COL5A3: variants seen among roughly 807,000 people sequenced by gnomAD.
COL5A3 encodes collagen alpha-3(V) chain.
A neutral mutation model predicts 250.0 loss-of-function variants in COL5A3; 172 were observed. That is an observed-to-expected ratio of 0.69 (90% CI 0.61 to 0.78). The LOEUF (loss-of-function observed/expected upper bound fraction) is 0.78, where lower values mean the gene tolerates loss of function less well. Among genes scored for constraint, COL5A3 ranks in the 30% least tolerant of loss-of-function variants. The pLI is 0.00. For synonymous variants in COL5A3, 937 were observed against 900.4 expected, an observed-to-expected ratio of 1.04 and a Z score of -0.73; for missense variants, 2,340 against 2,334.4, an observed-to-expected ratio of 1.00 and a Z score of -0.05.
At position 9,982,060 on chromosome 19, in the gene COL5A3, C is replaced by A. The variant is rs758333956; in HGVS notation, c.2460+5G>T. 3 of 1,609,376 alleles carry A rather than the reference C, an allele frequency of 1.9e-6. No individual in the cohort carries two copies. The South Asian group carries it at 3.3e-5, about 18-fold the overall frequency. ...CCCTCTCCCTTACCCCCGGTCATGACTCACCGACTTCCCTTTCTCTCCTAT... is the reference window on the plus strand; with the variant it reads ...CCCTCTCCCTTACCCCCGGTCATGAATCACCGACTTCCCTTTCTCTCCTAT... On this transcript the variant is annotated splice_donor_5th_base_variant and intron_variant, in intron 32 of 66. Coordinates refer to ENST00000264828, the MANE Select transcript of COL5A3 (RefSeq NM_015719.4).
chr19:10,010,158 A>G, intron 1 of COL5A3, 140 bp downstream of exon 1: 1 of 496,836 alleles, frequency 2.0e-6, no homozygotes, highest in Non-Finnish European at 3.2e-6. Flanking sequence ...TCAGATACTC[A>G]TGCGCCCACA....
Position 10,004,088 on chromosome 19 carries a change from C to T in COL5A3, c.652G>A (p.Glu218Lys). The stretch of plus-strand genomic sequence containing the variant: ...TTGTCACAGTCGGGGAGGTACCGCT[C>T]ACAAGCCTGGAAGGCAGCCTGAGGA... ...PDPQAAFQAC[E>K]RYLPDCDNLA... The change falls in exon 5 of 67, where the codon GAG (glutamate) becomes AAG (lysine). Residue 218 changes from glutamate (E) to lysine (K), a missense_variant. Around this residue, in one of 3 missense-constraint regions of COL5A3, gnomAD observed 1,152 missense variants for 1,146.3 expected, o/e 1.00. Transcript: ENST00000264828. 3 of 1,614,076 alleles carry T rather than the reference C, an allele frequency of 1.9e-6. No homozygotes were observed. The highest frequency in any genetic ancestry group is 2.5e-6 in the Non-Finnish European group (3 of 1,179,986).
chr19:10,004,305 A>T lies in COL5A3; in HGVS notation c.595-160T>A, dbSNP rs563865838. ...TATAAGGAAGAGATGACCCCATCAC[A>T]GCCCTAGTGATCTCTCTACCCCCTG... On this transcript the variant is annotated intron_variant, in intron 4 of 66. Transcript: ENST00000264828. Among the ~76,000 whole-genome samples, 9 of 152,178 alleles carry T rather than the reference A, an allele frequency of 5.9e-5. No homozygotes were observed. In the East Asian group the frequency reaches 1.7e-3, roughly 30 times the overall value.
rs1200445709 is a variant in COL5A3, at chr19:9,986,322, CCAG to C, written c.2342_2344del (p.Ala781del). 6 of 1,567,884 alleles carry C rather than the reference CCAG, an allele frequency of 3.8e-6. No homozygotes were observed. Among genetic ancestry groups the C allele is most frequent in the Non-Finnish European group, 5.2e-6 (6 of 1,164,332 alleles). ...GGGTGGAGAGTCATTTACCTTCTCC[CCAG>C]CTGAGCCTGGGGGCCCCTCCTCGCC... On this transcript the variant is annotated inframe_deletion, in exon 30 of 67. Transcript: ENST00000264828.
Position 9,966,351 on chromosome 19 carries a change from C to T in COL5A3, c.4745G>A (p.Gly1582Glu). The change falls in exon 64 of 67, where the codon GGA becomes GAA. Residue 1582 changes from glycine (G) to glutamate (E), a missense_variant. This residue lies in a region of COL5A3 where 1,179 missense variants were observed against 1,162.6 expected (regional missense o/e 1.01). Transcript: ENST00000264828. ...FRVFCNFTAGGETCLYPDKKF... is the reference protein window; with the variant it reads ...FRVFCNFTAGEETCLYPDKKF... Reference sequence around the variant, plus strand: ...CTTGTCGGGATAGAGGCAGGTCTCTCCTCCCGCCGTGAAGTTGCAAAAAAC... The same window carrying T: ...CTTGTCGGGATAGAGGCAGGTCTCTTCTCCCGCCGTGAAGTTGCAAAAAAC... The T allele has an allele frequency of 6.2e-7, 1 of 1,605,536 alleles. No homozygotes were observed. Among genetic ancestry groups the T allele is most frequent in the Non-Finnish European group, 8.5e-7 (1 of 1,175,422 alleles).
chr19:9,991,645 CG>C lies in COL5A3; in HGVS notation c.1956del (p.Gly653ValfsTer62). The C allele has an allele frequency of 6.2e-7, 1 of 1,610,098 alleles. No homozygotes were observed. Among genetic ancestry groups the C allele is most frequent in the Non-Finnish European group, 8.5e-7 (1 of 1,178,206 alleles). Reference sequence around the variant, plus strand: ...GGAGTGCCAATGAGTCCCTGGGGACCGGGGAGTCCCTGGAGACAGAAAAAGA... The same window carrying C: ...GGAGTGCCAATGAGTCCCTGGGGACCGGGAGTCCCTGGAGACAGAAAAAGA... ...QQGNHGSQGL[P>X]GPQGLIGTPG... is the part of the protein sequence containing the mutation. On this transcript the variant is annotated frameshift_variant, in exon 24 of 67. Transcript: ENST00000264828. LOFTEE classifies it high-confidence loss of function.
chr19:9,992,286 G>A (rs1012522653), intron 21 of COL5A3, among the ~76,000 whole-genome samples: 1 of 152,174 alleles, frequency 6.6e-6, no homozygotes, highest in African/African-American at 2.4e-5. Flanking sequence ...AGCCAGGCAT[G>A]TAATCTCAGC....
Position 9,966,738 on chromosome 19 carries a change from A to AG in COL5A3, c.4466dup (p.Ala1490CysfsTer67), listed in dbSNP as rs1291359955. ...GCCTGCGCAGCCCATGCAGCTCGGCAGGGGCACCCTGGGCGTAGGGGATGG... is the reference window on the plus strand; with the variant it reads ...GCCTGCGCAGCCCATGCAGCTCGGCAGGGGGCACCCTGGGCGTAGGGGATGG... On this transcript the variant is annotated frameshift_variant, in exon 63 of 67. Transcript: ENST00000264828. LOFTEE classifies it high-confidence loss of function. 1 of 1,533,486 alleles carries AG rather than the reference A, an allele frequency of 6.5e-7. No homozygotes were observed. The highest frequency in any genetic ancestry group is 8.7e-7 in the Non-Finnish European group (1 of 1,145,220). The allele number at this position is 1,533,486 out of a possible 1,614,324, so 95.0% of individuals were successfully genotyped here. A position where few individuals can be genotyped will look rare whatever the true frequency, so the allele number is the denominator to read the frequency against.
At chr19:10,006,400 C>A (rs573152914) in intron 1 of COL5A3, among the ~76,000 whole-genome samples, 169 bp from the exon 2 acceptor site, 26 of 152,224 alleles carry the variant, frequency 1.7e-4, no homozygotes, top group African/African-American at 4.8e-4. Context: ...CCCAGCACCC[C>A]CCGCCTCCTC....
At chr19:9,971,143 G>T in intron 52 of COL5A3, 62 bp downstream of exon 52, 1 of 1,423,780 alleles carries the variant, frequency 7.0e-7, no homozygotes, top group South Asian at 1.3e-5. Flanking sequence ...AGGTCTGTGG[G>T]GGTAGGGAGA....
chr19:9,972,500 C>A (rs925753501), intron 51 of COL5A3, among the ~76,000 whole-genome samples: 1 of 152,196 alleles, frequency 6.6e-6, no homozygotes, highest in African/African-American at 2.4e-5. Context: ...GGGGGTTACT[C>A]ATGAGATCAG....
At chr19:9,969,483 C>T in intron 56 of COL5A3, 81 bp from the exon 57 acceptor site, 2 of 1,586,374 alleles carry the variant, frequency 1.3e-6, no homozygotes, top group Non-Finnish European at 1.7e-6. Flanking sequence ...GCACCAGGGG[C>T]AGCCCCTCCA....
chr19:10,005,523 C>A, intron 4 of COL5A3, 35 bp downstream of exon 4: 1 of 1,608,192 alleles, frequency 6.2e-7, no homozygotes, highest in South Asian at 1.1e-5. Context: ...ACATCCCACC[C>A]TCTGCCTCAG....
At chr19:9,982,160 T>A in intron 31 of COL5A3, 42 bp from the exon 32 acceptor site, 1 of 1,435,206 alleles carries the variant, frequency 7.0e-7, no homozygotes, top group Non-Finnish European at 9.5e-7. Flanking sequence ...GGGTGAGGAG[T>A]GAGTGGTGGG....
chr19:9,991,370 T>G (rs2087186126), intron 24 of COL5A3, among the ~76,000 whole-genome samples: 1 of 152,230 alleles, frequency 6.6e-6, no homozygotes, highest in South Asian at 2.1e-4. Flanking sequence ...GTGACAGGCT[T>G]CTGTGGGCTC....
At chr19:9,967,491 A>T in intron 61 of COL5A3, 91 bp from the exon 62 acceptor site, 2 of 826,268 alleles carry the variant, frequency 2.4e-6, no homozygotes, top group South Asian at 1.8e-5. Context: ...ACTCACACAC[A>T]CACTCACACA....
At chr19:9,980,435 C>A (rs1276010533) in intron 35 of COL5A3, among the ~76,000 whole-genome samples, 1 of 152,136 alleles carries the variant, frequency 6.6e-6, no homozygotes, top group Admixed American at 6.5e-5. Context: ...GTGATTAGCT[C>A]ACTTCAGCTT....
chr19:9,979,268 G>A (rs778446196), intron 38 of COL5A3, 29 bp from the exon 39 acceptor site: 3 of 1,600,070 alleles, frequency 1.9e-6, no homozygotes, highest in Non-Finnish European at 1.7e-6. Context: ...CCTGTTGAGT[G>A]GGGGTGGCCT....
At position 9,996,616 on chromosome 19, in the gene COL5A3, G is replaced by T; in HGVS notation, c.1337C>A (p.Pro446Gln). 1 of 1,613,818 alleles carries T rather than the reference G, an allele frequency of 6.2e-7. No individual in the cohort carries two copies. The highest frequency in any genetic ancestry group is 8.5e-7 in the Non-Finnish European group (1 of 1,179,904). Residue 446 changes from proline to glutamine, a missense_variant and splice_region_variant, in exon 12 of 67, where the codon CCG becomes CAG. Physicochemically the swap from Pro to Gln is moderately conservative, Grantham distance 76 (BLOSUM62 -1). This residue lies in a region of COL5A3 where 1,152 missense variants were observed against 1,146.3 expected (regional missense o/e 1.00). Coordinates refer to ENST00000264828, the MANE Select transcript of COL5A3 (RefSeq NM_015719.4). The part of the protein sequence containing the change: ...RGPPGTVIMM[P>Q]FQFAGGSFKG... ...TGGGCCACTCCATCTCCTTCTTACC[G>T]GCATCATGATCACAGTGCCCGGTGG...
Sources: gnomAD v4.1 joint callset for allele counts (sites outside exome capture counted in the v4.1 genomes callset) on GRCh38, gnomAD v4.1.1 for gene constraint, gnomAD v4.1.1 regional missense constraint, MANE v1.5 for transcripts, NCBI Gene and HGNC (gene_info 2026-07-23, HGNC 2026-07-21) for gene names.